The following UTRN variants were observed in gnomAD, a reference collection of about 807,000 sequenced individuals.
UTRN encodes the protein dystrophin-related protein 1.
UTRN carries 283 observed loss-of-function variants against 463.9 expected under a neutral mutation model. That is an observed-to-expected ratio of 0.61 (90% CI 0.55 to 0.67). The LOEUF is 0.67. UTRN is among the 30% of genes least tolerant of loss of function. The pLI is 0.00. For missense variants in UTRN, 3,922 were observed against 4,084.3 expected (o/e 0.96, Z 1.08); for synonymous variants, 1,442 against 1,431.5 (o/e 1.01, Z -0.17).
chr6:144,608,670 C>T (rs1805139177), intron 51 of UTRN, among the ~76,000 whole-genome samples: 1 of 152,094 alleles, frequency 6.6e-6, no homozygotes, highest in South Asian at 2.1e-4. Context: ...ATTTCCTCGC[C>T]ATTTTGGGTC....
At chr6:144,459,477 C>A in intron 21 of UTRN, 123 bp downstream of exon 21, 1 of 1,083,622 alleles carries the variant, frequency 9.2e-7, no homozygotes, top group Non-Finnish European at 1.3e-6. Flanking sequence ...TCCTTTGTGC[C>A]TGTATTGTTC....
chr6:144,365,991 G>A (rs558040057), intron 2 of UTRN, among the ~76,000 whole-genome samples: 42 of 152,326 alleles, frequency 2.8e-4, no homozygotes, highest in African/African-American at 9.1e-4. Context: ...ACCCGTCTCG[G>A]CCTCCCAAAG....
At chr6:144,687,896 C>T (rs139746442) in intron 52 of UTRN, among the ~76,000 whole-genome samples, 3 of 152,276 alleles carry the variant, frequency 2.0e-5, no homozygotes, top group Admixed American at 6.5e-5. Context: ...TGTCTAATCC[C>T]TAGCAAGGCT....
rs369804220 is a variant in UTRN at position 144,319,602 on chromosome 6, C to T, written c.79+27695C>T. Among the ~76,000 whole-genome samples the T allele has an allele frequency of 2.0e-4, 30 of 152,222 alleles. 1 individual carries two copies. The South Asian group carries it at 3.9e-3, about 20-fold the overall frequency. On this transcript the variant is annotated intron_variant, in intron 2 of 74. Transcript: ENST00000367545. The stretch of plus-strand genomic sequence containing the variant: ...TTATTTTAAGTAATTTTTTCTTTTT[C>T]TGTTGCCCAGGCTGGAGTGCAGTGG...
intron 2 of UTRN, among the ~76,000 whole-genome samples, chr6:144,292,298 C>T (rs1400896484): frequency 6.6e-6 from 1 of 152,194 alleles, no homozygotes; most frequent in Non-Finnish European, 1.5e-5. Flanking sequence ...GATTTCATTA[C>T]CATATATCCT....
intron 51 of UTRN, among the ~76,000 whole-genome samples, chr6:144,604,971 A>G (rs1804684577): frequency 6.6e-6 from 1 of 152,126 alleles, no homozygotes; most frequent in Non-Finnish European, 1.5e-5. Flanking sequence ...AAAGTTTGCA[A>G]ATATTTTATC....
chr6:144,285,608 G>C lies in UTRN; in HGVS notation c.-306G>C, dbSNP rs1355732941. On this transcript the variant is annotated 5_prime_UTR_variant, in exon 1 of 75. Transcript: ENST00000367545. ...GCACAAGTAAGGGGCGTTTTCAGTCGGGTGTCAATTTCTCTTTCTTTCTTT... is the reference window on the plus strand; with the variant it reads ...GCACAAGTAAGGGGCGTTTTCAGTCCGGTGTCAATTTCTCTTTCTTTCTTT... 2 of 152,232 alleles carry C rather than the reference G, an allele frequency of 1.3e-5. No individual in the cohort carries two copies. The highest frequency in any genetic ancestry group is 4.8e-5 in the African/African-American group (2 of 41,462). 9.4% of individuals were successfully genotyped at this position (152,232 alleles called of 1,614,324 possible).
intron 50 of UTRN, among the ~76,000 whole-genome samples, chr6:144,563,618 C>A (rs1327680971): frequency 2.0e-5 from 3 of 152,124 alleles, no homozygotes; most frequent in Non-Finnish European, 4.4e-5. Context: ...GATTTATCCT[C>A]TCGGAAGCTT....
At chr6:144,362,992 A>T (rs563785677) in intron 2 of UTRN, among the ~76,000 whole-genome samples, 13 of 152,284 alleles carry the variant, frequency 8.5e-5, no homozygotes, top group East Asian at 3.9e-4. Flanking sequence ...GCTATTTTTT[A>T]AAAAAATATT....
intron 3 of UTRN, among the ~76,000 whole-genome samples, chr6:144,407,943 C>A (rs965412649): frequency 1.3e-5 from 2 of 152,114 alleles, no homozygotes; most frequent in African/African-American, 4.8e-5. Context: ...AAATTAAACA[C>A]TTATTTCTGG....
intron 50 of UTRN, among the ~76,000 whole-genome samples, chr6:144,570,849 T>TTTAAA (rs1386443817): frequency 6.6e-6 from 1 of 152,204 alleles, no homozygotes; most frequent in Admixed American, 6.5e-5. Context: ...TTGCTAGGTA[T>TTTAAA]TTAAATATCT....
intron 2 of UTRN, among the ~76,000 whole-genome samples, chr6:144,364,281 A>G (rs898836040): frequency 2.0e-5 from 3 of 152,084 alleles, no homozygotes; most frequent in Admixed American, 2.0e-4. Context: ...TGGTTTGTTG[A>G]TTAGGAACTC....
At chr6:144,564,743 G>C in intron 50 of UTRN, among the ~76,000 whole-genome samples, 1 of 152,042 alleles carries the variant, frequency 6.6e-6, no homozygotes, top group Admixed American at 6.6e-5. Context: ...AGAACAACAT[G>C]GGGGAAACCA....
intron 73 of UTRN, among the ~76,000 whole-genome samples, chr6:144,841,419 A>C (rs1298305538): frequency 6.6e-6 from 1 of 152,220 alleles, no homozygotes; most frequent in Admixed American, 6.5e-5. Flanking sequence ...CTGAACAACC[A>C]AGAGCCAGAA....
chr6:144,675,232 G>A lies in UTRN; in HGVS notation c.7480-3174G>A, dbSNP rs145062403. On this transcript the variant is annotated intron_variant, in intron 51 of 74. Coordinates refer to ENST00000367545, the MANE Select transcript of UTRN (RefSeq NM_007124.3). ...TGCAGTGATGGTTGTGCTCTTCTGC[G>A]TCTAGCCACCCAGCAGGGCTACCGG... is the stretch of plus-strand genomic sequence containing the variant. 1.6e-3 allele frequency among the ~76,000 whole-genome samples: 236 copies of A among 152,188 alleles called. 2 individuals are homozygous for A. Among genetic ancestry groups the A allele is most frequent in the African/African-American group, 4.0e-3 (167 of 41,534 alleles).
At chr6:144,328,326 G>A (rs1041262352) in intron 2 of UTRN, among the ~76,000 whole-genome samples, 11 of 152,088 alleles carry the variant, frequency 7.2e-5, no homozygotes, top group African/African-American at 2.4e-4. Context: ...CTTAACAAAG[G>A]AACGATAACT....
At position 144,389,310 on chromosome 6, in the gene UTRN, C is replaced by T. The variant is rs538629095; in HGVS notation, c.80-13813C>T. ...AGGGGTGACTGAATAAAACGGGAGG[C>T]GGGTTTGCCCTAAGCAGTTCCCAGC... is the stretch of plus-strand genomic sequence containing the variant. On this transcript the variant is annotated intron_variant, in intron 2 of 74. Transcript: ENST00000367545. 2.2e-4 allele frequency among the ~76,000 whole-genome samples: 34 copies of T among 152,256 alleles called. No individual in the cohort carries two copies. The South Asian group carries it at 5.6e-3, about 25-fold the overall frequency.
chr6:144,548,211 G>A (rs1344941660), intron 46 of UTRN, among the ~76,000 whole-genome samples: 2 of 152,062 alleles, frequency 1.3e-5, no homozygotes, highest in Non-Finnish European at 2.9e-5. Flanking sequence ...AAATAAAAGT[G>A]AATATGGGTA....
chr6:144,590,896 A>T (rs1238013394), intron 51 of UTRN, among the ~76,000 whole-genome samples: 1 of 151,892 alleles, frequency 6.6e-6, no homozygotes, highest in Non-Finnish European at 1.5e-5. Context: ...ACACACACAC[A>T]CACATAAGGT....
Sources: gnomAD v4.1 joint callset for allele counts (sites outside exome capture counted in the v4.1 genomes callset) on GRCh38, gnomAD v4.1.1 for gene constraint, MANE v1.5 for transcripts, NCBI Gene and HGNC (gene_info 2026-07-23, HGNC 2026-07-21) for gene names.